The following DENND5B variants were observed in gnomAD, a reference collection of about 807,000 sequenced individuals.
The protein encoded by DENND5B is DENN domain containing 5B, also known as DENN domain-containing protein 5B.
Under a neutral mutation model 140.6 loss-of-function variants are expected in DENND5B, and 34 were observed. That is an observed-to-expected ratio of 0.24 (90% confidence interval 0.18 to 0.32). The LOEUF is 0.32. Ranked by LOEUF, DENND5B falls within the 10% of genes least tolerant of loss-of-function variation. The pLI is 1.00. For missense variants in DENND5B, 1,142 were observed against 1,560.2 expected, an observed-to-expected ratio of 0.73 and a Z score of 4.52; for synonymous variants, 551 against 562.1, an observed-to-expected ratio of 0.98 and a Z score of 0.28.
At chr12:31,462,468 A>G (rs1298586213) in intron 3 of DENND5B, among the ~76,000 whole-genome samples, 3 of 151,176 alleles carry the variant, frequency 2.0e-5, no homozygotes, top group African/African-American at 7.3e-5. Flanking sequence ...CTATCACAGG[A>G]CTCCATTATG....
intron 2 of DENND5B, among the ~76,000 whole-genome samples, chr12:31,491,459 A>G (rs1946524523): frequency 6.6e-6 from 1 of 152,190 alleles, no homozygotes; most frequent in African/African-American, 2.4e-5. Flanking sequence ...AAATAAATTA[A>G]TTAATTTAAT....
intron 1 of DENND5B, among the ~76,000 whole-genome samples, chr12:31,558,342 A>G (rs980341217): frequency 6.6e-6 from 1 of 152,066 alleles, no homozygotes; most frequent in African/African-American, 2.4e-5. Flanking sequence ...CCACAATGAC[A>G]TGAGTTCTCA....
chr12:31,572,224 CA>C (rs63584260), intron 1 of DENND5B, among the ~76,000 whole-genome samples: 11,709 of 138,818 alleles, frequency 0.084, 1,011 homozygotes, highest in African/African-American at 0.23. Context: ...AACTCTGTCT[CA>C]AAAAAAAAAA....
rs1946016715 is a variant in DENND5B at position 31,480,308 on chromosome 12, G to A, written c.238-53C>T. 2.9e-6 allele frequency: 4 copies of A among 1,379,834 alleles called. No homozygotes were observed. The Admixed American group carries it at 1.1e-4, about 38-fold the overall frequency. The allele number at this position is 1,379,834 out of a possible 1,614,324, so 85.5% of individuals were successfully genotyped here. ...GAATGCAGTACACAAATAACTTCAA[G>A]CCAGAAATAAATGTTGTTTTTTTAA... is the stretch of plus-strand genomic sequence containing the variant. On this transcript the variant is annotated intron_variant, in intron 2 of 20. Transcript: ENST00000389082.
At chr12:31,544,614 G>A (rs1449597086) in intron 1 of DENND5B, among the ~76,000 whole-genome samples, 1 of 152,010 alleles carries the variant, frequency 6.6e-6, no homozygotes, top group Non-Finnish European at 1.5e-5. Flanking sequence ...AATATGAATA[G>A]AGTGAAACTG....
intron 1 of DENND5B, among the ~76,000 whole-genome samples, chr12:31,520,362 T>C (rs1374239286): frequency 4.6e-5 from 7 of 152,180 alleles, no homozygotes; most frequent in Non-Finnish European, 1.0e-4. Context: ...CAGGCACTTA[T>C]AATGAATTAA....
intron 7 of DENND5B, among the ~76,000 whole-genome samples, chr12:31,440,541 C>T (rs1943985333): frequency 6.6e-6 from 1 of 152,204 alleles, no homozygotes; most frequent in Non-Finnish European, 1.5e-5. Flanking sequence ...GCATTTTCTA[C>T]AAGAGGAGAA....
At chr12:31,437,497 C>G (rs1236675909) in intron 7 of DENND5B, among the ~76,000 whole-genome samples, 1 of 152,168 alleles carries the variant, frequency 6.6e-6, no homozygotes, top group Admixed American at 6.6e-5. Context: ...TGTAGGTTTA[C>G]AGATGTTCAT....
In DENND5B at chr12:31,482,356, T is replaced by C. The variant is rs906669422; in HGVS notation, c.238-2101A>G. Among the ~76,000 whole-genome samples the C allele has an allele frequency of 1.1e-4, 16 of 152,328 alleles. 1 individual carries two copies. The highest frequency in any genetic ancestry group is 3.4e-3 in the Middle Eastern group (1 of 294). On this transcript the variant is annotated intron_variant, in intron 2 of 20. Coordinates refer to ENST00000389082, the MANE Select transcript of DENND5B (RefSeq NM_144973.4). Reference sequence around the variant, plus strand: ...AGATGTCTAATAGGCAACTCAAACTTACCATGTCCCAAACTGAAGTTCTGA... The same window carrying C: ...AGATGTCTAATAGGCAACTCAAACTCACCATGTCCCAAACTGAAGTTCTGA...
intron 2 of DENND5B, 76 bp from the exon 3 acceptor site, chr12:31,480,331 T>TTA: frequency 7.3e-7 from 1 of 1,370,228 alleles, no homozygotes; most frequent in Non-Finnish European, 9.5e-7. Flanking sequence ...GTTGTTTTTT[T>TTA]AACATAACAG....
chr12:31,561,563 T>C (rs1949476099), intron 1 of DENND5B, among the ~76,000 whole-genome samples: 1 of 152,336 alleles, frequency 6.6e-6, no homozygotes, highest in South Asian at 2.1e-4. Context: ...GTTTAAAATA[T>C]ATATATACAT....
chr12:31,404,635 G>A (rs1942011672), intron 14 of DENND5B, among the ~76,000 whole-genome samples: 1 of 151,808 alleles, frequency 6.6e-6, no homozygotes, highest in South Asian at 2.1e-4. Context: ...TGTACTTTTA[G>A]TAGAGAAGGG....
intron 1 of DENND5B, among the ~76,000 whole-genome samples, chr12:31,500,822 A>G (rs1406650872): frequency 6.6e-6 from 1 of 152,228 alleles, no homozygotes; most frequent in Non-Finnish European, 1.5e-5. Context: ...TGAGAATGCA[A>G]AATTGTACGG....
At position 31,439,800 on chromosome 12, in the gene DENND5B, A is replaced by AT. The variant is rs532078292; in HGVS notation, c.2012+2974dup. On this transcript the variant is annotated intron_variant, in intron 7 of 20. Coordinates refer to ENST00000389082, the MANE Select transcript of DENND5B (RefSeq NM_144973.4). Reference sequence around the variant, plus strand: ...TAAAATTAGCCTGGCGTAGTGGCGCATGCCTGTAATCCCAGCTACTCAGGG... The same window carrying AT: ...TAAAATTAGCCTGGCGTAGTGGCGCATTGCCTGTAATCCCAGCTACTCAGGG... 3.9e-3 allele frequency among the ~76,000 whole-genome samples: 592 copies of AT among 152,122 alleles called. 5 individuals carry two copies. Among genetic ancestry groups the AT allele is most frequent in the African/African-American group, 0.013 (556 of 41,518 alleles).
rs2139567090 is a variant in DENND5B at position 31,590,952 on chromosome 12, C to T, written c.-120G>A. On this transcript the variant is annotated 5_prime_UTR_variant, in exon 1 of 21. An upstream start codon of the reference 5' UTR is lost. Coordinates refer to ENST00000389082, the MANE Select transcript of DENND5B (RefSeq NM_144973.4). The stretch of plus-strand genomic sequence containing the variant: ...CGCCCTAGGGCGACACTGGCGCGCC[C>T]ATGGCCGCGCAGCCGCCTCTCGCCG... 1.9e-6 allele frequency: 2 copies of T among 1,070,572 alleles called. No homozygotes were observed. The highest frequency in any genetic ancestry group is 8.9e-5 in the South Asian group (2 of 22,352). 66.3% of individuals were successfully genotyped at this position (1,070,572 alleles called of 1,614,324 possible). A position where few individuals can be genotyped will look rare whatever the true frequency, so the allele number is the denominator to read the frequency against.
chr12:31,588,498 ACTT>A (rs1950479372), intron 1 of DENND5B, among the ~76,000 whole-genome samples: 2 of 152,340 alleles, frequency 1.3e-5, no homozygotes, highest in Admixed American at 1.3e-4. Flanking sequence ...ACATGTACAG[ACTT>A]CTTTTCTTGT....
chr12:31,456,807 C>T (rs984762266), intron 4 of DENND5B, among the ~76,000 whole-genome samples: 2 of 152,180 alleles, frequency 1.3e-5, no homozygotes, highest in African/African-American at 4.8e-5. Context: ...CCCTCTGGGC[C>T]AGATGCTGTG....
intron 1 of DENND5B, among the ~76,000 whole-genome samples, chr12:31,574,345 T>C (rs1023982100): frequency 1.1e-4 from 17 of 150,662 alleles, no homozygotes; most frequent in South Asian, 2.1e-4. Flanking sequence ...ATCCCAGCAC[T>C]TTGGGAGGCC....
intron 1 of DENND5B, among the ~76,000 whole-genome samples, chr12:31,558,481 C>G (rs375833680): frequency 3.9e-5 from 6 of 152,294 alleles, no homozygotes; most frequent in Middle Eastern, 3.4e-3. Context: ...CCTGGAACTC[C>G]TAAACTTTAG....
Sources: gnomAD v4.1 joint callset for allele counts (sites outside exome capture counted in the v4.1 genomes callset) on GRCh38, gnomAD v4.1.1 for gene constraint, MANE v1.5 for transcripts, NCBI Gene and HGNC (gene_info 2026-07-23, HGNC 2026-07-21) for gene names.